The following FBLIM1 variants were observed in gnomAD, a reference collection of about 807,000 sequenced individuals.
FBLIM1 encodes the protein filamin binding LIM protein 1.
In FBLIM1, 29 loss-of-function variants were observed where a neutral mutation model predicts 37.4. The ratio of observed to expected loss-of-function variants is 0.77; its 90% CI spans 0.58 to 1.06. The LOEUF (loss-of-function observed/expected upper bound fraction) is 1.06. Among genes scored for constraint, FBLIM1 ranks in the 50% least tolerant of loss-of-function variants. The probability of loss-of-function intolerance (pLI) is 0.00; values close to 1 mark genes in which losing one functional copy is unlikely to be tolerated. For synonymous variants in FBLIM1, 193 were observed against 199.0 expected, an observed-to-expected ratio of 0.97 and a Z score of 0.25; for missense variants, 449 against 505.6, an observed-to-expected ratio of 0.89 and a Z score of 1.07.
intron 1 of FBLIM1, among the ~76,000 whole-genome samples, chr1:15,762,230 C>T (rs1400052545): frequency 6.7e-6 from 1 of 150,074 alleles, no homozygotes; most frequent in Non-Finnish European, 1.5e-5. Context: ...CTGGGGACTA[C>T]AGGTGCATGC....
intron 6 of FBLIM1, 60 bp from the exon 7 acceptor site, chr1:15,774,558 G>A (rs969403603): frequency 1.3e-4 from 199 of 1,545,930 alleles, no homozygotes; most frequent in Admixed American, 2.7e-4. Flanking sequence ...AGAAGAAGAC[G>A]ACCCTCGTGG....
At chr1:15,761,708 C>A (rs989330730) in intron 1 of FBLIM1, among the ~76,000 whole-genome samples, 14 of 152,208 alleles carry the variant, frequency 9.2e-5, no homozygotes, top group Middle Eastern at 3.2e-3. Context: ...ATATTGGTTT[C>A]TTCCTCAGAA....
In FBLIM1 at chr1:15,786,095, T is replaced by G. The variant is rs1279427040; in HGVS notation, c.*1434T>G. 1.3e-5 allele frequency: 2 copies of G among 152,288 alleles called. No individual in the cohort carries two copies. Among genetic ancestry groups the G allele is most frequent in the Non-Finnish European group, 2.9e-5 (2 of 68,070 alleles). 9.4% of individuals were successfully genotyped at this position (152,288 alleles called of 1,614,324 possible). On this transcript the variant is annotated 3_prime_UTR_variant, in exon 9 of 9. Coordinates refer to ENST00000375766, the MANE Select transcript of FBLIM1 (RefSeq NM_017556.4). ...GTCCTCTGGTTATGACCTCAAGTCCTACTTGGGCCCTGCAGCCCAGCCTGT... is the reference window on the plus strand; with the variant it reads ...GTCCTCTGGTTATGACCTCAAGTCCGACTTGGGCCCTGCAGCCCAGCCTGT...
At chr1:15,783,386 G>A (rs2069691911) in intron 8 of FBLIM1, among the ~76,000 whole-genome samples, 1 of 151,976 alleles carries the variant, frequency 6.6e-6, no homozygotes, top group South Asian at 2.1e-4. Context: ...ACCCAGTCTG[G>A]TCCCAGCTCC....
chr1:15,774,110 G>A (rs2069367427), intron 6 of FBLIM1, among the ~76,000 whole-genome samples: 1 of 152,174 alleles, frequency 6.6e-6, no homozygotes, highest in Admixed American at 6.6e-5. Context: ...TCCAGCCTCA[G>A]TAACAGAGCG....
At chr1:15,761,732 G>T (rs931693539) in intron 1 of FBLIM1, among the ~76,000 whole-genome samples, 1 of 152,132 alleles carries the variant, frequency 6.6e-6, no homozygotes, top group Non-Finnish European at 1.5e-5. Context: ...ATATTTTATT[G>T]TCAGACTGAG....
chr1:15,769,152 A>G (rs1219358011), intron 5 of FBLIM1, among the ~76,000 whole-genome samples: 1 of 152,120 alleles, frequency 6.6e-6, no homozygotes, highest in East Asian at 1.9e-4. Context: ...TTTCCTTCGT[A>G]CATCTCAGAG....
chr1:15,777,191 C>T lies in FBLIM1; in HGVS notation c.912C>T (p.Ser304=). The T allele has an allele frequency of 4.3e-6, 7 of 1,609,752 alleles. No homozygotes were observed. Among genetic ancestry groups the T allele is most frequent in the Non-Finnish European group, 5.9e-6 (7 of 1,176,530 alleles). Residue 304 remains serine (S), a synonymous_variant, in exon 8 of 9, where the codon AGC becomes AGT. Coordinates refer to ENST00000375766, the MANE Select transcript of FBLIM1 (RefSeq NM_017556.4). ...CTAGGAAATTCGCCCCCGTCTGCAG[C>T]ATCTGTGAAAATCCCATCATCCCTC... is the stretch of plus-strand genomic sequence containing the variant. ...DFYRKFAPVC[S]ICENPIIPRD...
chr1:15,759,795 G>C (rs924907157), intron 1 of FBLIM1, among the ~76,000 whole-genome samples: 1 of 152,202 alleles, frequency 6.6e-6, no homozygotes, highest in Non-Finnish European at 1.5e-5. Flanking sequence ...TACCTCCTCT[G>C]TTTCCCTGGG....
chr1:15,766,254 C>G (rs115326302), intron 3 of FBLIM1, among the ~76,000 whole-genome samples: 7,323 of 151,802 alleles, frequency 0.048, 302 homozygotes, highest in Non-Finnish European at 0.065. Flanking sequence ...ACCACAAGCT[C>G]TCACCACCAG....
At chr1:15,776,949 C>T in intron 7 of FBLIM1, 1 of 479,392 alleles carries the variant, frequency 2.1e-6, no homozygotes, top group South Asian at 3.5e-5. Flanking sequence ...GAACACAGTT[C>T]TCAATTCAGA....
intron 5 of FBLIM1, among the ~76,000 whole-genome samples, chr1:15,769,937 A>AT (rs1012865551): frequency 1.8e-4 from 27 of 148,416 alleles, no homozygotes; most frequent in African/African-American, 6.5e-4. Context: ...CGGGCTCTTT[A>AT]TTTTTTTTAA....
In FBLIM1 at chr1:15,784,736, C is replaced by A; in HGVS notation, c.*75C>A. Reference sequence around the variant, plus strand: ...CCCTGACTTGGTTTCCCTTCCTAACCTGCTCTTGCACACTTTCCTTCTGAG... The same window carrying A: ...CCCTGACTTGGTTTCCCTTCCTAACATGCTCTTGCACACTTTCCTTCTGAG... On this transcript the variant is annotated 3_prime_UTR_variant, in exon 9 of 9. Transcript: ENST00000375766. 1.5e-6 allele frequency: 2 copies of A among 1,310,742 alleles called. No individual in the cohort carries two copies. The highest frequency in any genetic ancestry group is 2.2e-6 in the Non-Finnish European group (2 of 916,136). 81.2% of individuals were successfully genotyped at this position (1,310,742 alleles called of 1,614,324 possible). A position where few individuals can be genotyped will look rare whatever the true frequency, so the allele number is the denominator to read the frequency against.
At chr1:15,781,718 GTTTT>G (rs71002929) in intron 8 of FBLIM1, among the ~76,000 whole-genome samples, 1 of 111,446 alleles carries the variant, frequency 9.0e-6, no homozygotes. Flanking sequence ...AGGTAGTATT[GTTTT>G]TTTTTTTTTT....
At chr1:15,762,629 T>C (rs1054673521) in intron 1 of FBLIM1, among the ~76,000 whole-genome samples, 1 of 152,198 alleles carries the variant, frequency 6.6e-6, no homozygotes, top group Non-Finnish European at 1.5e-5. Context: ...ACTCCTGACC[T>C]CAAGTGATCG....
chr1:15,768,593 T>TC lies in FBLIM1; in HGVS notation c.509dup (p.Ala171GlyfsTer5). 1 of 1,611,356 alleles carries TC rather than the reference T, an allele frequency of 6.2e-7. No individual in the cohort carries two copies. ...GGCCCATGGAGGAAGAGCTGCCACC[T>TC]CCCCCGGCAGAACCTGTTGAGAAAG... On this transcript the variant is annotated frameshift_variant, in exon 5 of 9. Transcript: ENST00000375766. LOFTEE classifies it high-confidence loss of function.
At chr1:15,777,088 A>T in intron 7 of FBLIM1, 82 bp from the exon 8 acceptor site, 1 of 1,130,702 alleles carries the variant, frequency 8.8e-7, no homozygotes. Flanking sequence ...GGTGAACACC[A>T]GCCAGCCCGA....
rs75810546 is a variant in FBLIM1 at position 15,768,434 on chromosome 1, C to A, written c.439-94C>A. The A allele has an allele frequency of 2.4e-3, 1,901 of 788,672 alleles. 9 individuals are homozygous for A. Among genetic ancestry groups the A allele is most frequent in the Middle Eastern group, 0.013 (35 of 2,630 alleles). 48.9% of individuals were successfully genotyped at this position (788,672 alleles called of 1,614,324 possible). ...CCTTGGTTTCCTTCTCGGTACAATG[C>A]GGCTAATTGTACCTGTTACCACCCA... On this transcript the variant is annotated intron_variant, in intron 4 of 8. Transcript: ENST00000375766.
intron 6 of FBLIM1, among the ~76,000 whole-genome samples, chr1:15,773,126 C>T (rs2069300989): frequency 6.6e-6 from 1 of 152,158 alleles, no homozygotes; most frequent in Non-Finnish European, 1.5e-5. Context: ...TGTTAACTGG[C>T]CAGGTGCCGT....
Sources: gnomAD v4.1 joint callset for allele counts (sites outside exome capture counted in the v4.1 genomes callset) on GRCh38, gnomAD v4.1.1 for gene constraint, MANE v1.5 for transcripts, NCBI Gene and HGNC (gene_info 2026-07-23, HGNC 2026-07-21) for gene names.